FAM53B: variants seen among roughly 807,000 people sequenced by gnomAD.
FAM53B encodes protein FAM53B.
A neutral mutation model predicts 32.7 loss-of-function variants in FAM53B; 12 were observed. That is an observed-to-expected ratio of 0.37 (90% confidence interval 0.24 to 0.59). The LOEUF (loss-of-function observed/expected upper bound fraction) is 0.59, where lower values mean the gene tolerates loss of function less well. Among genes scored for constraint, FAM53B ranks in the 20% least tolerant of loss-of-function variants. The pLI, the probability that FAM53B is intolerant of heterozygous loss-of-function variation, is 0.72. For missense variants in FAM53B, 477 were observed against 577.7 expected (o/e 0.83, Z 1.79); for synonymous variants, 234 against 228.7 (o/e 1.02, Z -0.21).
At chr10:124,698,189 G>A (rs1463763109) in intron 2 of FAM53B, among the ~76,000 whole-genome samples, 1 of 152,200 alleles carries the variant, frequency 6.6e-6, no homozygotes, top group Non-Finnish European at 1.5e-5. Flanking sequence ...GGGGAACCCC[G>A]GCCCCCAGCC....
intron 3 of FAM53B, among the ~76,000 whole-genome samples, chr10:124,695,231 A>C (rs1949861303): frequency 6.6e-6 from 1 of 152,240 alleles, no homozygotes; most frequent in Non-Finnish European, 1.5e-5. Flanking sequence ...TTCTGAGTCC[A>C]CGCAGACGTT....
intron 4 of FAM53B, among the ~76,000 whole-genome samples, chr10:124,672,906 A>G (rs551320236): frequency 1.3e-5 from 2 of 152,346 alleles, no homozygotes; most frequent in East Asian, 3.9e-4. Flanking sequence ...AGTTCTACTG[A>G]GAACAGATCA....
chr10:124,628,990 C>T (rs551434507), intron 4 of FAM53B, among the ~76,000 whole-genome samples: 12 of 152,254 alleles, frequency 7.9e-5, no homozygotes, highest in South Asian at 6.2e-4. Context: ...CGAGAATCCC[C>T]GGCTCAGGCC....
chr10:124,723,754 C>T (rs17624730), intron 1 of FAM53B, among the ~76,000 whole-genome samples: 50,860 of 152,222 alleles, frequency 0.33, 8,791 homozygotes, highest in Admixed American at 0.41. Flanking sequence ...CTGCAGGAAC[C>T]CCAGTGGGAC....
intron 4 of FAM53B, among the ~76,000 whole-genome samples, chr10:124,659,230 C>T (rs1473378670): frequency 1.3e-5 from 2 of 152,228 alleles, no homozygotes; most frequent in African/African-American, 4.8e-5. Flanking sequence ...CTCTAGCCTT[C>T]CTGCTTTCAG....
At chr10:124,629,985 T>TC (rs892400916) in intron 4 of FAM53B, among the ~76,000 whole-genome samples, 8 of 152,106 alleles carry the variant, frequency 5.3e-5, no homozygotes, top group Non-Finnish European at 1.2e-4. Flanking sequence ...GGCCAACCTT[T>TC]CCCTAGGGGC....
intron 2 of FAM53B, among the ~76,000 whole-genome samples, chr10:124,698,897 G>A (rs1046121280): frequency 6.6e-6 from 1 of 152,194 alleles, no homozygotes; most frequent in African/African-American, 2.4e-5. Context: ...ACAGCCTACA[G>A]GGCCCCATAT....
chr10:124,730,741 G>A (rs150065271), intron 1 of FAM53B, among the ~76,000 whole-genome samples: 40 of 152,326 alleles, frequency 2.6e-4, no homozygotes, highest in Admixed American at 3.9e-4. Flanking sequence ...AAGAACTGAA[G>A]TCTTCGTTTC....
At chr10:124,738,200 C>T (rs1301172297) in intron 1 of FAM53B, among the ~76,000 whole-genome samples, 1 of 151,998 alleles carries the variant, frequency 6.6e-6, no homozygotes. Flanking sequence ...ACTAAGGAAC[C>T]GACCCGTAGG....
chr10:124,682,391 A>G lies in FAM53B; in HGVS notation c.134-12T>C. ...CCATCTGTCATTTTCTGGTTCATAA[A>G]TGACAAGGAGAAAACAGGATTTGAG... On this transcript the variant is annotated splice_polypyrimidine_tract_variant and intron_variant, in intron 3 of 4. Transcript: ENST00000337318. The surrounding 1 kb of genome is among the most constrained non-coding windows in gnomAD (Gnocchi z 5.2). 2 of 1,586,332 alleles carry G rather than the reference A, an allele frequency of 1.3e-6. No homozygotes were observed. The highest frequency in any genetic ancestry group is 1.7e-6 in the Non-Finnish European group (2 of 1,164,674).
Position 124,706,887 on chromosome 10 carries a change from C to T in FAM53B, c.-174G>A, listed in dbSNP as rs556449923. 10 of 1,440,960 alleles carry T rather than the reference C, an allele frequency of 6.9e-6. No homozygotes were observed. In the Admixed American group the frequency reaches 8.3e-5, roughly 12 times the overall value. The allele number at this position is 1,440,960 out of a possible 1,614,324, so 89.3% of individuals were successfully genotyped here. ...GGAAATGGCCAAATGTGGTCAACTC[C>T]CTGGAAAGACAAAAGAAAAGCAAAA... On this transcript the variant is annotated splice_region_variant and 5_prime_UTR_variant, in exon 2 of 5. Transcript: ENST00000337318.
chr10:124,739,377 G>A (rs759437785), intron 1 of FAM53B, among the ~76,000 whole-genome samples: 3 of 152,252 alleles, frequency 2.0e-5, no homozygotes, highest in Non-Finnish European at 4.4e-5. Context: ...CAGGGCCCAG[G>A]GTGGGCCTTC....
chr10:124,637,132 C>T (rs1250516333), intron 4 of FAM53B, among the ~76,000 whole-genome samples: 1 of 152,154 alleles, frequency 6.6e-6, no homozygotes, highest in African/African-American at 2.4e-5. Flanking sequence ...TGCTCCCACT[C>T]GAGAGGGCCC....
intron 4 of FAM53B, among the ~76,000 whole-genome samples, chr10:124,647,086 C>A (rs1302333654): frequency 6.6e-6 from 1 of 152,146 alleles, no homozygotes; most frequent in African/African-American, 2.4e-5. Context: ...GACTGGTGAG[C>A]GGCACACACT....
At chr10:124,665,918 G>A (rs899039417) in intron 4 of FAM53B, among the ~76,000 whole-genome samples, 2 of 114,238 alleles carry the variant, frequency 1.8e-5, no homozygotes, top group African/African-American at 3.7e-5. Context: ...GCTTATAGTC[G>A]GCTACGTAGA....
At chr10:124,665,845 G>A (rs955792650) in intron 4 of FAM53B, among the ~76,000 whole-genome samples, 4 of 152,206 alleles carry the variant, frequency 2.6e-5, no homozygotes, top group Non-Finnish European at 4.4e-5. Flanking sequence ...TGAACAAAGA[G>A]ATTAATCTAG....
At chr10:124,737,751 T>A (rs1198870188) in intron 1 of FAM53B, among the ~76,000 whole-genome samples, 1 of 151,756 alleles carries the variant, frequency 6.6e-6, no homozygotes, top group East Asian at 1.9e-4. Context: ...GCTGACAGAG[T>A]GACATTCACT....
intron 4 of FAM53B, among the ~76,000 whole-genome samples, chr10:124,645,368 G>GC (rs1305003337): frequency 6.6e-6 from 1 of 152,316 alleles, no homozygotes; most frequent in East Asian, 1.9e-4. Flanking sequence ...AATTCAGAGT[G>GC]CCCCCTCAGG....
chr10:124,619,669 AT>A lies in FAM53B; in HGVS notation c.*3572del, dbSNP rs1165395152. The A allele has an allele frequency of 4.8e-4, 73 of 152,038 alleles. No homozygotes were observed. The highest frequency in any genetic ancestry group is 1.7e-3 in the African/African-American group (70 of 41,328). The allele number at this position is 152,038 out of a possible 1,614,324, so 9.4% of individuals were successfully genotyped here. A position where few individuals can be genotyped will look rare whatever the true frequency, so the allele number is the denominator to read the frequency against. On this transcript the variant is annotated 3_prime_UTR_variant, in exon 5 of 5. Coordinates refer to ENST00000337318, the MANE Select transcript of FAM53B (RefSeq NM_014661.4). ...CGGTCTGCCATTAAAAAAAAAAAAA[AT>A]CTTTCTCTTCTTTTCTCTTTAAAGA... is the stretch of plus-strand genomic sequence containing the variant.
Sources: gnomAD v4.1 joint callset for allele counts (sites outside exome capture counted in the v4.1 genomes callset) on GRCh38, gnomAD v4.1.1 for gene constraint, Gnocchi (gnomAD v3.1) non-coding constraint, MANE v1.5 for transcripts, NCBI Gene and HGNC (gene_info 2026-07-23, HGNC 2026-07-21) for gene names.